The following TRAK1 variants were observed in gnomAD, a reference collection of about 807,000 sequenced individuals.
TRAK1 encodes the protein trafficking kinesin protein 1, also known as trafficking kinesin-binding protein 1.
In TRAK1, 33 loss-of-function variants were observed where a neutral mutation model predicts 92.1. The ratio of observed to expected loss-of-function variants is 0.36; its 90% CI spans 0.27 to 0.48. The LOEUF is 0.48. TRAK1 is among the 20% of genes least tolerant of loss of function. The probability of loss-of-function intolerance (pLI) is 0.99; values close to 1 mark genes in which losing one functional copy is unlikely to be tolerated. For missense variants in TRAK1, 1,123 were observed against 1,257.9 expected (o/e 0.89, Z 1.62); for synonymous variants, 521 against 517.3 (o/e 1.01, Z -0.10).
chr3:42,037,025 G>C (rs371193918), intron 1 of TRAK1, among the ~76,000 whole-genome samples: 12 of 151,966 alleles, frequency 7.9e-5, no homozygotes, highest in African/African-American at 2.9e-4. Flanking sequence ...GACAAATCTT[G>C]TTATGTTGCC....
chr3:42,105,350 G>T (rs1245181680), intron 1 of TRAK1, among the ~76,000 whole-genome samples: 1 of 152,194 alleles, frequency 6.6e-6, no homozygotes, highest in Non-Finnish European at 1.5e-5. Context: ...GAAAACCATG[G>T]CACGAGAACT....
chr3:42,162,417 G>A (rs1701372916), intron 2 of TRAK1, among the ~76,000 whole-genome samples: 1 of 152,044 alleles, frequency 6.6e-6, no homozygotes, highest in Admixed American at 6.6e-5. Flanking sequence ...AGTTTATTCT[G>A]ATCCAGGCTT....
intron 2 of TRAK1, among the ~76,000 whole-genome samples, chr3:42,161,163 G>A (rs2149303083): frequency 6.6e-6 from 1 of 152,310 alleles, no homozygotes; most frequent in Non-Finnish European, 1.5e-5. Context: ...GAAAAGGGAG[G>A]ATGTTAGGTA....
chr3:42,220,444 AG>A (rs1482060680), intron 15 of TRAK1: 2 of 979,688 alleles, frequency 2.0e-6, no homozygotes, highest in Middle Eastern at 5.2e-4. Context: ...GTAAAGCAGA[AG>A]GGGTGGGAAC....
intron 1 of TRAK1, among the ~76,000 whole-genome samples, chr3:42,094,846 G>T (rs1705662013): frequency 6.6e-6 from 1 of 152,184 alleles, no homozygotes; most frequent in Non-Finnish European, 1.5e-5. Context: ...GCAAGCTGGA[G>T]GCCTGGGAGA....
chr3:42,164,710 G>C (rs1224583242), intron 2 of TRAK1, among the ~76,000 whole-genome samples: 4 of 152,208 alleles, frequency 2.6e-5, no homozygotes, highest in Non-Finnish European at 5.9e-5. Context: ...CAGGCCCTGG[G>C]TCTTCTGGCT....
At chr3:42,075,430 A>C (rs1704113096) in intron 1 of TRAK1, among the ~76,000 whole-genome samples, 1 of 151,664 alleles carries the variant, frequency 6.6e-6, no homozygotes, top group African/African-American at 2.4e-5. Context: ...GCTATTGTGA[A>C]GAGTGCTGCG....
rs563729410 is a variant in TRAK1 at position 42,075,799 on chromosome 3, A to G, written c.-518-11305A>G. 2.6e-5 allele frequency among the ~76,000 whole-genome samples: 4 copies of G among 152,136 alleles called. No individual in the cohort carries two copies. The East Asian group carries it at 5.8e-4, about 22-fold the overall frequency. ...GCCATGTGTATGTCTTCCTTTGAGA[A>G]GTGTCTGTTCATGGCCTTTGCCCAT... is the stretch of plus-strand genomic sequence containing the variant. On this transcript the variant is annotated intron_variant, in intron 1 of 16. Coordinates refer to the TRAK1 transcript ENST00000487159.
chr3:42,180,925 AGT>A (rs1265497321), intron 3 of TRAK1, among the ~76,000 whole-genome samples: 4 of 151,954 alleles, frequency 2.6e-5, no homozygotes, highest in Admixed American at 2.6e-4. Context: ...TCTGGCAGAG[AGT>A]GTTCTTTAAA....
chr3:42,180,677 CAAA>C (rs33959095), intron 3 of TRAK1, among the ~76,000 whole-genome samples: 3 of 87,114 alleles, frequency 3.4e-5, no homozygotes, highest in Non-Finnish European at 4.5e-5. Context: ...AGACCTGTCT[CAAA>C]AAAAAAAAAA....
intron 10 of TRAK1, among the ~76,000 whole-genome samples, chr3:42,196,030 A>G (rs912085954): frequency 6.6e-6 from 1 of 152,096 alleles, no homozygotes; most frequent in African/African-American, 2.4e-5. Flanking sequence ...TCAAGGGCAG[A>G]CCTCTCTTTG....
intron 2 of TRAK1, among the ~76,000 whole-genome samples, chr3:42,152,489 C>G (rs1281479090): frequency 6.6e-6 from 1 of 152,192 alleles, no homozygotes; most frequent in Non-Finnish European, 1.5e-5. Flanking sequence ...TGAAAGTCAT[C>G]TGCTTATTAA....
At chr3:42,082,459 G>A (rs1311022122), upstream of TRAK1, among the ~76,000 whole-genome samples, 17 of 151,992 alleles carry the variant, frequency 1.1e-4, 1 homozygote, top group Admixed American at 5.2e-4. Context: ...TTAGCCTAGC[G>A]TAGTGGTGCG....
chr3:42,071,801 C>T (rs866776533), intron 1 of TRAK1, among the ~76,000 whole-genome samples: 31 of 151,824 alleles, frequency 2.0e-4, no homozygotes, highest in African/African-American at 6.8e-4. Context: ...GCAATGTGGG[C>T]TGCAGGCCAT....
chr3:42,101,461 C>T (rs1706739675), intron 1 of TRAK1, among the ~76,000 whole-genome samples: 1 of 152,200 alleles, frequency 6.6e-6, no homozygotes, highest in Non-Finnish European at 1.5e-5. Context: ...TTCAGGAAAG[C>T]CTCGTGGTGC....
chr3:42,132,900 C>T (rs1478718685), intron 2 of TRAK1, among the ~76,000 whole-genome samples: 7 of 152,212 alleles, frequency 4.6e-5, no homozygotes, highest in Non-Finnish European at 8.8e-5. Flanking sequence ...TGTTCCCCCT[C>T]CACACACATT....
At chr3:42,017,649 C>T (rs143863205) in intron 1 of TRAK1, among the ~76,000 whole-genome samples, 14 of 152,302 alleles carry the variant, frequency 9.2e-5, no homozygotes, top group African/African-American at 2.6e-4. Flanking sequence ...TCCTGAGTTA[C>T]ACAGAATACC....
intron 1 of TRAK1, among the ~76,000 whole-genome samples, chr3:42,059,330 A>G (rs1489633766): frequency 6.6e-6 from 1 of 152,198 alleles, no homozygotes; most frequent in Non-Finnish European, 1.5e-5. Context: ...GGCCCTGTCA[A>G]GTGTGCTTCT....
intron 2 of TRAK1, among the ~76,000 whole-genome samples, chr3:42,172,935 C>T (rs1267090169): frequency 6.6e-6 from 1 of 152,148 alleles, no homozygotes; most frequent in Non-Finnish European, 1.5e-5. Context: ...CACCTGAGGT[C>T]AGGAGTTCGA....
Sources: gnomAD v4.1 joint callset for allele counts (sites outside exome capture counted in the v4.1 genomes callset) on GRCh38, gnomAD v4.1.1 for gene constraint, MANE v1.5 for transcripts, NCBI Gene and HGNC (gene_info 2026-07-23, HGNC 2026-07-21) for gene names.